Variants in KCND2 observed in about 807,000 individuals in gnomAD.
KCND2 encodes the protein potassium voltage-gated channel subfamily D member 2, also known as A-type voltage-gated potassium channel KCND2.
A neutral mutation model predicts 54.4 loss-of-function variants in KCND2; 16 were observed. The ratio of observed to expected loss-of-function variants is 0.29; its 90% confidence interval spans 0.20 to 0.45. The LOEUF (loss-of-function observed/expected upper bound fraction) is 0.45. Among genes scored for constraint, KCND2 ranks in the 20% least tolerant of loss-of-function variants. The pLI is 1.00. For synonymous variants in KCND2, 317 were observed against 310.7 expected, an observed-to-expected ratio of 1.02 and a Z score of -0.21; for missense variants, 486 against 824.2, an observed-to-expected ratio of 0.59 and a Z score of 5.02.
intron 1 of KCND2, among the ~76,000 whole-genome samples, chr7:120,631,413 G>A (rs931652601): frequency 6.6e-6 from 1 of 151,974 alleles, no homozygotes; most frequent in African/African-American, 2.4e-5. Flanking sequence ...AAATTGTAGG[G>A]ACTCATTACT....
At chr7:120,651,647 C>A (rs1791735123) in intron 1 of KCND2, among the ~76,000 whole-genome samples, 1 of 152,198 alleles carries the variant, frequency 6.6e-6, no homozygotes, top group Non-Finnish European at 1.5e-5. Context: ...CGACAAGCCC[C>A]AGTGAGATGA....
intron 1 of KCND2, among the ~76,000 whole-genome samples, chr7:120,524,323 G>A (rs1214128686): frequency 1.3e-5 from 2 of 152,074 alleles, no homozygotes; most frequent in Non-Finnish European, 2.9e-5. Context: ...TAGGAGTAGA[G>A]TCTGATAGCA....
chr7:120,273,274 G>A lies in KCND2; in HGVS notation c.-1359G>A, dbSNP rs1252453399. Among the ~76,000 whole-genome samples, 1 of 151,644 alleles carries A rather than the reference G, an allele frequency of 6.6e-6. No homozygotes were observed. Among genetic ancestry groups the A allele is most frequent in the Non-Finnish European group, 1.5e-5 (1 of 67,770 alleles). ...AGCGCGGGGAGCCCGGGGAGATGCAGGACCACCCACTGGCGGGGAAGCAGC... is the reference window on the plus strand; with the variant it reads ...AGCGCGGGGAGCCCGGGGAGATGCAAGACCACCCACTGGCGGGGAAGCAGC... On this transcript the variant is annotated 5_prime_UTR_variant, in exon 1 of 6. Transcript: ENST00000331113.
intron 1 of KCND2, among the ~76,000 whole-genome samples, chr7:120,596,040 C>T (rs1792741778): frequency 6.6e-6 from 1 of 152,026 alleles, no homozygotes. Flanking sequence ...TGAAACCAGA[C>T]CCCAATGTTT....
chr7:120,346,983 A>G (rs1049956780), intron 1 of KCND2, among the ~76,000 whole-genome samples: 2 of 152,064 alleles, frequency 1.3e-5, no homozygotes, highest in African/African-American at 4.8e-5. Context: ...TTATAGTCTA[A>G]TGGGAGGACA....
At chr7:120,681,843 T>G (rs1792143675) in intron 1 of KCND2, among the ~76,000 whole-genome samples, 1 of 152,054 alleles carries the variant, frequency 6.6e-6, no homozygotes, top group African/African-American at 2.4e-5. Context: ...TTACCGAATG[T>G]CCATATAAAA....
chr7:120,631,101 T>C (rs960879903), intron 1 of KCND2, among the ~76,000 whole-genome samples: 1 of 152,120 alleles, frequency 6.6e-6, no homozygotes, highest in African/African-American at 2.4e-5. Context: ...TTTATCAAGG[T>C]AATCTTTTGA....
intron 1 of KCND2, among the ~76,000 whole-genome samples, chr7:120,310,337 G>C (rs1799719208): frequency 6.6e-6 from 1 of 152,086 alleles, no homozygotes. Context: ...TCAGTTAGTA[G>C]CACACCATAT....
intron 1 of KCND2, among the ~76,000 whole-genome samples, chr7:120,313,033 C>T (rs961337840): frequency 7.9e-5 from 12 of 152,158 alleles, no homozygotes; most frequent in African/African-American, 2.4e-4. Flanking sequence ...TGCAGGAATC[C>T]GATGATGTGG....
Position 120,420,015 on chromosome 7 carries a change from A to G in KCND2, c.1115+144268A>G, listed in dbSNP as rs533400916. The stretch of plus-strand genomic sequence containing the variant: ...TTTATTCTACAAAAAAAAAAAAAGA[A>G]AGAAAAAAAGAAAAAACTGAAGAGC... On this transcript the variant is annotated intron_variant, in intron 1 of 5. Coordinates refer to ENST00000331113, the MANE Select transcript of KCND2 (RefSeq NM_012281.3). Among the ~76,000 whole-genome samples the G allele has an allele frequency of 1.3e-3, 197 of 151,262 alleles. 1 individual carries two copies. The highest frequency in any genetic ancestry group is 2.3e-3 in the Non-Finnish European group (153 of 67,818).
chr7:120,621,276 C>CAAAAAAAAAAAAAAAAAA (rs1175736454), intron 1 of KCND2, among the ~76,000 whole-genome samples: 3 of 47,204 alleles, frequency 6.4e-5, no homozygotes, highest in African/African-American at 2.1e-4. Context: ...GACTCCGTCT[C>CAAAAAAAAAAAAAAAAAA]AAAAAAAAAA....
At position 120,305,112 on chromosome 7, in the gene KCND2, C is replaced by T. The variant is rs1799634276; in HGVS notation, c.1115+29365C>T. ...TTATTAAAGGAAGAATTGTGTCTTCCTAGCTATAATTAGTTATATCAGCCT... is the reference window on the plus strand; with the variant it reads ...TTATTAAAGGAAGAATTGTGTCTTCTTAGCTATAATTAGTTATATCAGCCT... On this transcript the variant is annotated intron_variant, in intron 1 of 5. Transcript: ENST00000331113. Among the ~76,000 whole-genome samples the T allele has an allele frequency of 2.0e-5, 3 of 152,036 alleles. No individual in the cohort carries two copies. The South Asian group carries it at 6.2e-4, about 32-fold the overall frequency.
At chr7:120,401,571 A>G (rs758868881) in intron 1 of KCND2, among the ~76,000 whole-genome samples, 25 of 152,116 alleles carry the variant, frequency 1.6e-4, no homozygotes, top group Non-Finnish European at 3.1e-4. Flanking sequence ...TTGACCAGGT[A>G]TGGGAGCTGT....
chr7:120,665,134 G>A (rs1339159519), intron 1 of KCND2, among the ~76,000 whole-genome samples: 1 of 152,038 alleles, frequency 6.6e-6, no homozygotes, highest in Non-Finnish European at 1.5e-5. Context: ...GTGACTTCTT[G>A]CTGCTCATGT....
chr7:120,614,419 C>T (rs1792996337), intron 1 of KCND2, among the ~76,000 whole-genome samples: 2 of 152,216 alleles, frequency 1.3e-5, no homozygotes, highest in Non-Finnish European at 2.9e-5. Context: ...GATTTGACCT[C>T]AGCTCCCCTT....
At chr7:120,305,957 T>G (rs551785618) in intron 1 of KCND2, among the ~76,000 whole-genome samples, 10 of 152,146 alleles carry the variant, frequency 6.6e-5, no homozygotes, top group Non-Finnish European at 1.3e-4. Context: ...TTTCCTAACA[T>G]CTATGAGAAT....
chr7:120,640,986 A>G (rs1169021225), intron 1 of KCND2, among the ~76,000 whole-genome samples: 1 of 152,208 alleles, frequency 6.6e-6, no homozygotes, highest in Non-Finnish European at 1.5e-5. Context: ...GAGAGATTTC[A>G]TTGAAGACTG....
chr7:120,588,367 T>C (rs1018523836), intron 1 of KCND2, among the ~76,000 whole-genome samples: 2 of 151,334 alleles, frequency 1.3e-5, no homozygotes, highest in Admixed American at 6.6e-5. Context: ...TTGATTTTTA[T>C]TGCAGCCAGG....
chr7:120,558,844 A>AGAAT (rs1792197192), intron 1 of KCND2, among the ~76,000 whole-genome samples: 1 of 152,168 alleles, frequency 6.6e-6, no homozygotes, highest in Admixed American at 6.5e-5. Context: ...GAAGCAAACT[A>AGAAT]GAATATCTAG....
Sources: allele counts gnomAD v4.1 joint callset (sites outside exome capture counted in the v4.1 genomes callset), GRCh38; gene constraint gnomAD v4.1.1; transcripts MANE v1.5; gene names NCBI Gene and HGNC (gene_info 2026-07-23, HGNC 2026-07-21).